The following CERS6 variants were observed in gnomAD, a reference collection of about 807,000 sequenced individuals.
The protein encoded by CERS6 is LAG1 homolog, ceramide synthase 6.
In CERS6, 26 loss-of-function variants were observed where a neutral mutation model predicts 56.8. The ratio of observed to expected loss-of-function variants is 0.46; its 90% CI spans 0.34 to 0.63. The LOEUF (loss-of-function observed/expected upper bound fraction) is 0.63, where lower values mean the gene tolerates loss of function less well. Among genes scored for constraint, CERS6 ranks in the 30% least tolerant of loss-of-function variants. CERS6 has a pLI of 0.01. For missense variants in CERS6, 415 were observed against 467.5 expected, an observed-to-expected ratio of 0.89 and a Z score of 1.04; for synonymous variants, 164 against 173.3, an observed-to-expected ratio of 0.95 and a Z score of 0.42.
At chr2:168,503,814 G>T (rs1470902599) in intron 1 of CERS6, among the ~76,000 whole-genome samples, 1 of 152,156 alleles carries the variant, frequency 6.6e-6, no homozygotes, top group Non-Finnish European at 1.5e-5. Context: ...AAATAAGGGA[G>T]TCAGGGGAGG....
intron 1 of CERS6, among the ~76,000 whole-genome samples, chr2:168,491,833 T>C (rs1694380097): frequency 6.6e-6 from 1 of 152,206 alleles, no homozygotes; most frequent in African/African-American, 2.4e-5. Context: ...TGTGTTCTCA[T>C]TGTTCAGCTG....
At position 168,760,338 on chromosome 2, in the gene CERS6, G is replaced by T. The variant is rs190317592; in HGVS notation, c.846-5254G>T. The stretch of plus-strand genomic sequence containing the variant: ...CATCCAGCACGGGAGAAAGATGTGG[G>T]CTGGGAGACTAGGCCAGTCTCGCGT... On this transcript the variant is annotated intron_variant, in intron 8 of 9. Transcript: ENST00000305747. Among the ~76,000 whole-genome samples the T allele has an allele frequency of 3.9e-5, 6 of 152,266 alleles. No individual in the cohort carries two copies. The East Asian group carries it at 1.2e-3, about 29-fold the overall frequency.
At chr2:168,751,993 A>G (rs564580194) in intron 8 of CERS6, among the ~76,000 whole-genome samples, 20 of 152,274 alleles carry the variant, frequency 1.3e-4, no homozygotes, top group Middle Eastern at 3.4e-3. Context: ...GTTATTTGTA[A>G]ACTCTTTGAG....
chr2:168,595,837 G>T (rs530258154), intron 3 of CERS6, among the ~76,000 whole-genome samples: 1 of 152,260 alleles, frequency 6.6e-6, no homozygotes, highest in East Asian at 1.9e-4. Context: ...TCAAAAAGAA[G>T]AATTGTATGT....
At chr2:168,596,855 A>C (rs1307453570) in intron 3 of CERS6, among the ~76,000 whole-genome samples, 1 of 152,136 alleles carries the variant, frequency 6.6e-6, no homozygotes, top group Admixed American at 6.5e-5. Context: ...TGATGCACAA[A>C]ATTTGGAGTT....
intron 1 of CERS6, among the ~76,000 whole-genome samples, chr2:168,495,152 A>G (rs1218213889): frequency 6.6e-6 from 1 of 152,202 alleles, no homozygotes; most frequent in African/African-American, 2.4e-5. Context: ...CAAGAAACAT[A>G]GCTTTATACT....
intron 3 of CERS6, among the ~76,000 whole-genome samples, chr2:168,591,685 C>G (rs1207937015): frequency 6.6e-6 from 1 of 152,192 alleles, no homozygotes; most frequent in Admixed American, 6.5e-5. Flanking sequence ...AAAAGACTTT[C>G]TTTCACCTTC....
At chr2:168,632,687 G>A (rs540079070) in intron 4 of CERS6, among the ~76,000 whole-genome samples, 58 of 152,236 alleles carry the variant, frequency 3.8e-4, no homozygotes, top group African/African-American at 1.2e-3. Context: ...TGACTATAGC[G>A]CTTTTGTGCT....
intron 1 of CERS6, among the ~76,000 whole-genome samples, chr2:168,504,589 A>G (rs1207409729): frequency 2.0e-5 from 3 of 152,182 alleles, no homozygotes; most frequent in Non-Finnish European, 4.4e-5. Context: ...GGTGCCACTG[A>G]GATCAATAGC....
chr2:168,526,001 A>G (rs561635556), intron 1 of CERS6, among the ~76,000 whole-genome samples: 1 of 152,322 alleles, frequency 6.6e-6, no homozygotes, highest in South Asian at 2.1e-4. Flanking sequence ...TAATACCATT[A>G]TGTCCACTCA....
At chr2:168,494,147 G>C (rs1694422658) in intron 1 of CERS6, among the ~76,000 whole-genome samples, 1 of 152,134 alleles carries the variant, frequency 6.6e-6, no homozygotes, top group Non-Finnish European at 1.5e-5. Flanking sequence ...CTTTTCCACT[G>C]TGGCATTTTG....
At position 168,587,682 on chromosome 2, in the gene CERS6, G is replaced by A. The variant is rs75883693; in HGVS notation, c.407+26360G>A. Among the ~76,000 whole-genome samples the A allele has an allele frequency of 4.4e-3, 665 of 152,138 alleles. 7 individuals carry two copies. Among genetic ancestry groups the A allele is most frequent in the African/African-American group, 0.015 (620 of 41,526 alleles). On this transcript the variant is annotated intron_variant, in intron 3 of 9. Transcript: ENST00000305747. ...AAAAAAAATGCTTCAGTGAAGGCAT[G>A]TGGTATACAGGCAAAGTTGGTGTGA...
At chr2:168,608,354 A>T (rs1031524390) in intron 3 of CERS6, among the ~76,000 whole-genome samples, 1 of 152,244 alleles carries the variant, frequency 6.6e-6, no homozygotes, top group Non-Finnish European at 1.5e-5. Flanking sequence ...TTGCCTGGAC[A>T]TGTCTTCATT....
At chr2:168,666,384 G>T (rs903342818) in intron 4 of CERS6, among the ~76,000 whole-genome samples, 9 of 152,056 alleles carry the variant, frequency 5.9e-5, no homozygotes, top group African/African-American at 2.2e-4. Flanking sequence ...ACCTTTTTCA[G>T]AATGTCATAT....
intron 6 of CERS6, among the ~76,000 whole-genome samples, chr2:168,703,297 C>T (rs1686849047): frequency 6.6e-6 from 1 of 152,148 alleles, no homozygotes. Context: ...TGGCTCATGC[C>T]TGTAATCCCA....
At chr2:168,556,456 T>C (rs1359611607) in intron 2 of CERS6, among the ~76,000 whole-genome samples, 2 of 152,316 alleles carry the variant, frequency 1.3e-5, no homozygotes, top group East Asian at 3.9e-4. Context: ...TGGTTTCTGC[T>C]ACATGACAGA....
At chr2:168,679,121 A>G (rs570119953) in intron 4 of CERS6, among the ~76,000 whole-genome samples, 27 of 151,832 alleles carry the variant, frequency 1.8e-4, no homozygotes, top group Middle Eastern at 3.4e-3. Context: ...TGTGGGATCT[A>G]TTTTAAAAAG....
At chr2:168,459,555 C>G (rs1693740386) in intron 1 of CERS6, among the ~76,000 whole-genome samples, 1 of 151,974 alleles carries the variant, frequency 6.6e-6, no homozygotes, top group Admixed American at 6.5e-5. Context: ...TTAGCATAGC[C>G]TTTATACCAT....
At chr2:168,582,897 C>T (rs1188682218) in intron 3 of CERS6, 1 of 154,326 alleles carries the variant, frequency 6.5e-6, no homozygotes, top group Non-Finnish European at 1.5e-5. Context: ...ATAGAGGGGC[C>T]TTGATGGGCA....
Sources: allele counts gnomAD v4.1 joint callset (sites outside exome capture counted in the v4.1 genomes callset), GRCh38; gene constraint gnomAD v4.1.1; transcripts MANE v1.5; gene names NCBI Gene and HGNC (gene_info 2026-07-23, HGNC 2026-07-21).